SIPA1L1: variants seen among roughly 807,000 people sequenced by gnomAD.
SIPA1L1 encodes the protein signal-induced proliferation-associated 1-like protein 1.
A neutral mutation model predicts 162.7 loss-of-function variants in SIPA1L1; 26 were observed. That is an observed-to-expected ratio of 0.16 (90% CI 0.12 to 0.22). The LOEUF is 0.22. Ranked by LOEUF, SIPA1L1 falls within the 10% of genes least tolerant of loss-of-function variation. The pLI is 1.00. For missense variants in SIPA1L1, 1,874 were observed against 2,241.0 expected, an observed-to-expected ratio of 0.84 and a Z score of 3.31; for synonymous variants, 829 against 837.4, an observed-to-expected ratio of 0.99 and a Z score of 0.17.
At chr14:71,320,537 C>A (rs2032485818) in intron 1 of SIPA1L1, 34 bp downstream of exon 1, 1 of 152,514 alleles carries the variant, frequency 6.6e-6, no homozygotes, top group African/African-American at 2.4e-5. Context: ...GCTGGAGGGT[C>A]CCCGGGGAGG....
At chr14:71,508,703 A>T (rs2050872962) in intron 2 of SIPA1L1, among the ~76,000 whole-genome samples, 1 of 152,146 alleles carries the variant, frequency 6.6e-6, no homozygotes, top group Non-Finnish European at 1.5e-5. Context: ...TGTTTCCTTG[A>T]ATTTCTTGAG....
intron 2 of SIPA1L1, among the ~76,000 whole-genome samples, chr14:71,365,722 TA>T (rs1381276677): frequency 3.3e-5 from 5 of 151,842 alleles, no homozygotes; most frequent in Non-Finnish European, 7.4e-5. Context: ...CAGGCAAGGC[TA>T]TTAAGTATTT....
chr14:71,657,002 C>T (rs2043113854), intron 8 of SIPA1L1, among the ~76,000 whole-genome samples: 1 of 152,160 alleles, frequency 6.6e-6, no homozygotes. Flanking sequence ...GTGTCAGAGA[C>T]TTTGTCTGAG....
At chr14:71,418,273 A>C (rs1419100620) in intron 2 of SIPA1L1, 1 of 152,172 alleles carries the variant, frequency 6.6e-6, no homozygotes, top group Non-Finnish European at 1.5e-5. Flanking sequence ...TTTTGGGCCC[A>C]GATCTGCATG....
intron 3 of SIPA1L1, among the ~76,000 whole-genome samples, chr14:71,514,829 C>T (rs1455779874): frequency 6.6e-6 from 1 of 152,172 alleles, no homozygotes; most frequent in African/African-American, 2.4e-5. Context: ...ACCATCACAC[C>T]TAGTGTGCTC....
At chr14:71,686,780 G>T (rs529779348) in intron 13 of SIPA1L1, among the ~76,000 whole-genome samples, 1 of 152,290 alleles carries the variant, frequency 6.6e-6, no homozygotes, top group South Asian at 2.1e-4. Flanking sequence ...TCACATCTCA[G>T]AATGTTGTTG....
intron 3 of SIPA1L1, among the ~76,000 whole-genome samples, chr14:71,513,814 CG>C (rs1413477647): frequency 2.0e-5 from 3 of 152,018 alleles, no homozygotes; most frequent in Non-Finnish European, 4.4e-5. Context: ...AAGAAATTGG[CG>C]AGTAAGCCAA....
chr14:71,659,652 A>C (rs547730760), intron 9 of SIPA1L1, among the ~76,000 whole-genome samples: 1 of 152,214 alleles, frequency 6.6e-6, no homozygotes, highest in Non-Finnish European at 1.5e-5. Flanking sequence ...GAGAGCATAA[A>C]GGCTTATTCT....
chr14:71,441,104 T>G (rs2044817202), intron 2 of SIPA1L1, among the ~76,000 whole-genome samples: 1 of 152,246 alleles, frequency 6.6e-6, no homozygotes, highest in Non-Finnish European at 1.5e-5. Context: ...TCTGATGGTA[T>G]AAATTTTCAG....
chr14:71,696,027 T>C (rs2081598003), intron 13 of SIPA1L1, among the ~76,000 whole-genome samples: 1 of 152,212 alleles, frequency 6.6e-6, no homozygotes. Context: ...GAAACCCATG[T>C]TATGGTACCC....
At position 71,431,215 on chromosome 14, in the gene SIPA1L1, A is replaced by G. The variant is rs566606809; in HGVS notation, c.-464-81528A>G. Among the ~76,000 whole-genome samples, 9 of 152,340 alleles carry G rather than the reference A, an allele frequency of 5.9e-5. 1 individual carries two copies. The South Asian group carries it at 1.9e-3, about 32-fold the overall frequency. ...AGCTAAGGATTATGTTAAATAAGTT[A>G]GAAGAAAACCACCCACTGCTAATTC... On this transcript the variant is annotated intron_variant, in intron 2 of 23. Transcript: ENST00000381232.
intron 12 of SIPA1L1, among the ~76,000 whole-genome samples, chr14:71,685,140 C>A (rs941700299): frequency 2.6e-5 from 4 of 152,096 alleles, no homozygotes; most frequent in Admixed American, 2.6e-4. Context: ...ATCTCGCACT[C>A]AAAAAGTTGG....
At chr14:71,632,109 A>G (rs1482943551) in intron 7 of SIPA1L1, among the ~76,000 whole-genome samples, 1 of 152,206 alleles carries the variant, frequency 6.6e-6, no homozygotes, top group Non-Finnish European at 1.5e-5. Context: ...GGAAAGATGG[A>G]GTAGATGTAT....
chr14:71,611,981 TA>T (rs961451461), intron 5 of SIPA1L1, among the ~76,000 whole-genome samples: 46 of 151,538 alleles, frequency 3.0e-4, no homozygotes, highest in African/African-American at 8.9e-4. Context: ...GTCGACTATT[TA>T]AAAAAAAATA....
intron 13 of SIPA1L1, among the ~76,000 whole-genome samples, chr14:71,695,351 A>C (rs1390820501): frequency 6.6e-6 from 1 of 152,206 alleles, no homozygotes; most frequent in Non-Finnish European, 1.5e-5. Context: ...GAGGGATGGG[A>C]ATGAATGCCA....
intron 2 of SIPA1L1, among the ~76,000 whole-genome samples, chr14:71,391,551 G>A (rs2040760168): frequency 6.6e-6 from 1 of 152,200 alleles, no homozygotes; most frequent in Non-Finnish European, 1.5e-5. Flanking sequence ...CAAGAATTAG[G>A]TGTTTTATTT....
intron 12 of SIPA1L1, among the ~76,000 whole-genome samples, chr14:71,681,039 C>CT (rs2045753812): frequency 6.6e-6 from 1 of 152,240 alleles, no homozygotes; most frequent in Non-Finnish European, 1.5e-5. Context: ...CTTCCCAGCA[C>CT]TTCCGTATCA....
chr14:71,642,211 T>C (rs909216383), intron 7 of SIPA1L1, among the ~76,000 whole-genome samples: 2 of 152,150 alleles, frequency 1.3e-5, no homozygotes, highest in Admixed American at 6.5e-5. Context: ...ACAAATGAGG[T>C]GAACCCTAAG....
At position 71,588,326 on chromosome 14, in the gene SIPA1L1, A is replaced by G; in HGVS notation, c.454A>G (p.Arg152Gly). 1 of 1,613,804 alleles carries G rather than the reference A, an allele frequency of 6.2e-7. No homozygotes were observed. Among genetic ancestry groups the G allele is most frequent in the Non-Finnish European group, 8.5e-7 (1 of 1,179,988 alleles). Residue 152 changes from arginine (R) to glycine (G), a missense_variant, in exon 5 of 24, where the codon AGA (arginine) becomes GGA (glycine). Around this residue, in one of 5 missense-constraint regions of SIPA1L1, gnomAD observed 685 missense variants for 828.0 expected, o/e 0.83. Coordinates refer to ENST00000381232, the MANE Select transcript of SIPA1L1 (RefSeq NM_001386936.1). The surrounding 1 kb of genome is among the most constrained non-coding windows in gnomAD (Gnocchi z 4.3). ...KTRPSENMDS[R>G]FLMPEAYPSS... ...AAGACCGTCGGAGAACATGGACTCC[A>G]GATTTCTCATGCCTGAAGCCTACCC...
Sources: gnomAD v4.1 joint callset for allele counts (sites outside exome capture counted in the v4.1 genomes callset) on GRCh38, gnomAD v4.1.1 for gene constraint, gnomAD v4.1.1 regional missense constraint, Gnocchi (gnomAD v3.1) non-coding constraint, MANE v1.5 for transcripts, NCBI Gene and HGNC (gene_info 2026-07-23, HGNC 2026-07-21) for gene names.